FRAS1: variants seen among roughly 807,000 people sequenced by gnomAD.
The protein encoded by FRAS1 is Fraser extracellular matrix complex subunit 1, also known as extracellular matrix organizing protein FRAS1.
In FRAS1, 290 loss-of-function variants were observed where a neutral mutation model predicts 435.2. That is an observed-to-expected ratio of 0.67 (90% CI 0.61 to 0.73). The LOEUF is 0.73. Among genes scored for constraint, FRAS1 ranks in the 30% least tolerant of loss-of-function variants. FRAS1 has a pLI of 0.00. For synonymous variants in FRAS1, 1,800 were observed against 1,851.0 expected, an observed-to-expected ratio of 0.97 and a Z score of 0.71; for missense variants, 4,860 against 5,001.5, an observed-to-expected ratio of 0.97 and a Z score of 0.85.
chr4:78,118,128 G>A (rs1294619731), intron 2 of FRAS1, among the ~76,000 whole-genome samples: 1 of 152,226 alleles, frequency 6.6e-6, no homozygotes, highest in Non-Finnish European at 1.5e-5. Context: ...ATCAGCAGCG[G>A]AGCCTGCAGA....
chr4:78,482,513 A>G lies in FRAS1; in HGVS notation c.8730A>G (p.Ala2910=). 6.2e-6 allele frequency: 10 copies of G among 1,613,842 alleles called. No homozygotes were observed. The highest frequency in any genetic ancestry group is 8.5e-6 in the Non-Finnish European group (10 of 1,179,818). The part of the protein sequence containing the change: ...ELTKPFQAVI[A]INDTFQDVPS... Reference sequence around the variant, plus strand: ...CCAAACCCTTCCAGGCAGTCATTGCAATTAATGACACATTCCAAGATGGTA... The same window carrying G: ...CCAAACCCTTCCAGGCAGTCATTGCGATTAATGACACATTCCAAGATGGTA... The change falls in exon 58 of 74, where the codon GCA becomes GCG. Residue 2910 remains alanine, a synonymous_variant. Transcript: ENST00000512123.
intron 9 of FRAS1, among the ~76,000 whole-genome samples, chr4:78,273,220 C>A (rs550761634): frequency 6.6e-6 from 1 of 152,144 alleles, no homozygotes; most frequent in Non-Finnish European, 1.5e-5. Context: ...TGGGCTGAGA[C>A]GATGGGGTTT....
intron 3 of FRAS1, 108 bp from the exon 4 acceptor site, chr4:78,245,125 A>C (rs1329354627): frequency 1.3e-6 from 1 of 781,984 alleles, no homozygotes; most frequent in African/African-American, 1.7e-5. Context: ...TTGTCACCTC[A>C]GAAACGCATG....
chr4:78,374,567 C>T (rs1402973843), intron 25 of FRAS1, among the ~76,000 whole-genome samples: 1 of 152,090 alleles, frequency 6.6e-6, no homozygotes, highest in African/African-American at 2.4e-5. Context: ...GTGGATCAGC[C>T]CTGTTGATAT....
intron 2 of FRAS1, among the ~76,000 whole-genome samples, chr4:78,100,487 A>G (rs534196838): frequency 2.6e-5 from 4 of 152,380 alleles, no homozygotes; most frequent in East Asian, 1.9e-4. Context: ...TTAGAAGTTC[A>G]TATCAGAGTG....
intron 2 of FRAS1, among the ~76,000 whole-genome samples, chr4:78,179,971 C>G (rs1721929407): frequency 6.6e-6 from 1 of 152,220 alleles, no homozygotes; most frequent in South Asian, 2.1e-4. Context: ...TATCACTATA[C>G]TTACATTAAC....
At chr4:78,490,398 A>G (rs918607197) in intron 59 of FRAS1, among the ~76,000 whole-genome samples, 7 of 152,206 alleles carry the variant, frequency 4.6e-5, no homozygotes, top group African/African-American at 1.7e-4. Flanking sequence ...TTGACCACAT[A>G]TTTGGAAGTA....
At chr4:78,173,123 T>C (rs1721627524) in intron 2 of FRAS1, among the ~76,000 whole-genome samples, 1 of 152,222 alleles carries the variant, frequency 6.6e-6, no homozygotes, top group Non-Finnish European at 1.5e-5. Context: ...CTCCATGCTG[T>C]CAGATGTGCA....
Position 78,482,542 on chromosome 4 carries a change from G to T in FRAS1, c.8752+7G>T. 1.2e-6 allele frequency: 2 copies of T among 1,611,476 alleles called. No individual in the cohort carries two copies. The highest frequency in any genetic ancestry group is 1.7e-6 in the Non-Finnish European group (2 of 1,179,280). ...AATGACACATTCCAAGATGGTAAGA[G>T]ATTGGGGATGCCAGCTGGTAGGTCC... is the stretch of plus-strand genomic sequence containing the variant. On this transcript the variant is annotated splice_region_variant and intron_variant, in intron 58 of 73. Transcript: ENST00000512123.
chr4:78,372,144 T>G (rs1295120160), intron 23 of FRAS1, among the ~76,000 whole-genome samples: 1 of 152,220 alleles, frequency 6.6e-6, no homozygotes, highest in Non-Finnish European at 1.5e-5. Flanking sequence ...TTCTATTGTT[T>G]TAGCAACCTC....
intron 44 of FRAS1, 48 bp from the exon 45 acceptor site, chr4:78,450,103 C>T: frequency 6.7e-6 from 10 of 1,489,562 alleles, no homozygotes; most frequent in Non-Finnish European, 7.4e-6. Context: ...ACATCCCGTT[C>T]AAAGGAAATG....
chr4:78,503,609 T>A (rs1720744873), intron 61 of FRAS1, among the ~76,000 whole-genome samples: 1 of 152,226 alleles, frequency 6.6e-6, no homozygotes, highest in Non-Finnish European at 1.5e-5. Context: ...TCTCATTTCT[T>A]CTTTATTAGT....
chr4:78,415,591 G>A (rs76912053), intron 32 of FRAS1, among the ~76,000 whole-genome samples: 3,033 of 152,200 alleles, frequency 0.02, 103 homozygotes, highest in African/African-American at 0.068. Flanking sequence ...AGCAACAGGT[G>A]AAAAAAGGTG....
chr4:78,449,590 G>A (rs1341975647), intron 44 of FRAS1, among the ~76,000 whole-genome samples: 1 of 152,144 alleles, frequency 6.6e-6, no homozygotes, highest in Non-Finnish European at 1.5e-5. Context: ...TTTGCCATTA[G>A]CCAGGGCCTT....
Position 78,477,829 on chromosome 4 carries a change from G to A in FRAS1, c.7866G>A (p.Glu2622=), listed in dbSNP as rs1200449729. ...VEYAGQVQFD[E]REDTKSCTIV... is the part of the protein sequence containing the mutation. Reference sequence around the variant, plus strand: ...CTTTGTGACAGGTCCAGTTTGATGAGCGAGAGGACACCAAGTCCTGCACCA... The same window carrying A: ...CTTTGTGACAGGTCCAGTTTGATGAACGAGAGGACACCAAGTCCTGCACCA... Residue 2622 remains glutamate (E), a synonymous_variant, in exon 55 of 74, where the codon GAG becomes GAA. Coordinates refer to ENST00000512123, the MANE Select transcript of FRAS1 (RefSeq NM_025074.7). The A allele has an allele frequency of 1.2e-5, 19 of 1,613,124 alleles. No homozygotes were observed. Among genetic ancestry groups the A allele is most frequent in the Non-Finnish European group, 1.6e-5 (19 of 1,179,398 alleles).
At chr4:78,224,086 C>A (rs147213043) in intron 2 of FRAS1, among the ~76,000 whole-genome samples, 33 of 152,240 alleles carry the variant, frequency 2.2e-4, no homozygotes, top group Non-Finnish European at 4.0e-4. Context: ...GGCTGGCCGC[C>A]CTTGAGGATC....
chr4:78,058,184 G>T, intron 1 of FRAS1, 99 bp downstream of exon 1: 1 of 1,113,126 alleles, frequency 9.0e-7, no homozygotes, highest in Non-Finnish European at 1.3e-6. Flanking sequence ...CAGGTTTTAT[G>T]GTATTTCGGT....
intron 9 of FRAS1, among the ~76,000 whole-genome samples, chr4:78,276,825 A>G (rs1727066511): frequency 6.6e-6 from 1 of 152,152 alleles, no homozygotes; most frequent in South Asian, 2.1e-4. Flanking sequence ...TTGGAGGACC[A>G]CTTTTCTCTT....
chr4:78,518,450 ATATTTATT>A (rs147999269), intron 66 of FRAS1, among the ~76,000 whole-genome samples: 7 of 69,320 alleles, frequency 1.0e-4, no homozygotes, highest in Admixed American at 3.0e-4. Flanking sequence ...ATATATATAT[ATATTTATT>A]TATTTATTTA....
Sources: gnomAD v4.1 joint callset for allele counts (sites outside exome capture counted in the v4.1 genomes callset) on GRCh38, gnomAD v4.1.1 for gene constraint, MANE v1.5 for transcripts, NCBI Gene and HGNC (gene_info 2026-07-23, HGNC 2026-07-21) for gene names.